FANCB: variants seen among roughly 807,000 people sequenced by gnomAD.
FANCB encodes FA complementation group B.
In FANCB, 5 loss-of-function variants were observed where a neutral mutation model predicts 38.9. That is an observed-to-expected ratio of 0.13 (90% CI 0.07 to 0.27). FANCB has a LOEUF of 0.27. Ranked by LOEUF, FANCB falls within the 10% of genes least tolerant of loss-of-function variation. FANCB has a pLI of 1.00. For missense variants in FANCB, 573 were observed against 602.7 expected (o/e 0.95, Z 0.52); for synonymous variants, 236 against 215.4 (o/e 1.10, Z -0.84).
chrX:14,802,490 G>T, the FANCB span, among the ~76,000 whole-genome samples: 1 of 111,589 alleles, frequency 9.0e-6, no homozygotes, highest in African/African-American at 3.3e-5. Flanking sequence ...TTCTAATAAA[G>T]TAATCAGATT....
the FANCB span, among the ~76,000 whole-genome samples, chrX:14,704,708 CT>C: frequency 8.9e-6 from 1 of 111,796 alleles, no homozygotes; most frequent in African/African-American, 3.3e-5. Flanking sequence ...GAAACGACCC[CT>C]GCCTTCTTAG....
the FANCB span, among the ~76,000 whole-genome samples, chrX:14,761,683 T>C: frequency 9.0e-6 from 1 of 111,432 alleles, no homozygotes; most frequent in African/African-American, 3.3e-5. Flanking sequence ...ATGATTGCGA[T>C]ATCTGGGCAA....
chrX:14,729,473 TTTATC>T, the FANCB span, among the ~76,000 whole-genome samples: 2 of 111,737 alleles, frequency 1.8e-5, no homozygotes, highest in African/African-American at 6.5e-5. Flanking sequence ...TTTTCAGACT[TTTATC>T]TAATTTATGT....
chrX:14,691,766 T>C, the FANCB span, among the ~76,000 whole-genome samples: 1 of 111,882 alleles, frequency 8.9e-6, no homozygotes, highest in South Asian at 3.7e-4. Context: ...GCACCTGTTT[T>C]CCATTTCAAA....
chrX:14,831,014 TTA>T (rs1176800782), downstream of FANCB, among the ~76,000 whole-genome samples: 6 of 111,910 alleles, frequency 5.4e-5, no homozygotes, highest in African/African-American at 2.0e-4. Flanking sequence ...GTTGTGAACT[TTA>T]TGTTAGTCTC....
chrX:14,711,972 A>C, the FANCB span, among the ~76,000 whole-genome samples: 6 of 113,000 alleles, frequency 5.3e-5, no homozygotes, highest in Admixed American at 9.3e-5. Context: ...TTCCGCGATT[A>C]AGATGCCAGA....
the FANCB span, among the ~76,000 whole-genome samples, chrX:14,790,377 G>A: frequency 1.8e-5 from 2 of 111,909 alleles, no homozygotes; most frequent in African/African-American, 6.5e-5. Flanking sequence ...TTAGAGATCA[G>A]AGAATCTAGG....
Position 14,859,172 on chromosome X carries a change from T to C in FANCB, c.1104+10A>G. ...CTTAAAATACCATATAATAAGTAAATAGAACTTACCGAATAGTTTATTTTT... is the reference window on the plus strand; with the variant it reads ...CTTAAAATACCATATAATAAGTAAACAGAACTTACCGAATAGTTTATTTTT... On this transcript the variant is annotated intron_variant, in intron 4 of 9. Coordinates refer to ENST00000650831, the MANE Select transcript of FANCB (RefSeq NM_001018113.3). 2.6e-6 allele frequency: 3 copies of C among 1,153,641 alleles called. No homozygotes were observed. Among genetic ancestry groups the C allele is most frequent in the Non-Finnish European group, 3.5e-6 (3 of 845,377 alleles).
intron 2 of FANCB, among the ~76,000 whole-genome samples, chrX:14,868,012 C>T (rs781071056): frequency 1.4e-4 from 16 of 111,290 alleles, no homozygotes; most frequent in Admixed American, 1.3e-3. Context: ...AATGAGATAC[C>T]ACCTAATTTC....
At chrX:14,804,107 T>C in the FANCB span, among the ~76,000 whole-genome samples, 162 of 111,793 alleles carry the variant, frequency 1.4e-3, 1 homozygote, top group Non-Finnish European at 2.2e-3. Context: ...CTAGAAATAC[T>C]ATTTGACCCA....
intron 5 of FANCB, among the ~76,000 whole-genome samples, chrX:14,854,255 A>T (rs1871178641): frequency 9.0e-6 from 1 of 111,361 alleles, no homozygotes; most frequent in Non-Finnish European, 1.9e-5. Context: ...ATGTAGCCAC[A>T]ACTGAGCTAC....
the FANCB span, among the ~76,000 whole-genome samples, chrX:14,689,942 CA>C: frequency 1.8e-5 from 2 of 112,234 alleles, no homozygotes; most frequent in Non-Finnish European, 3.8e-5. Flanking sequence ...AACACTTAAG[CA>C]AACACTGAAG....
At chrX:14,833,509 G>C (rs2092332595), downstream of FANCB, among the ~76,000 whole-genome samples, 1 of 111,965 alleles carries the variant, frequency 8.9e-6, no homozygotes, top group Non-Finnish European at 1.9e-5. Context: ...GTGATAGTAT[G>C]TATGTTAAAG....
At chrX:14,784,925 A>G in the FANCB span, among the ~76,000 whole-genome samples, 1 of 112,117 alleles carries the variant, frequency 8.9e-6, no homozygotes, top group African/African-American at 3.2e-5. Context: ...CAGAAAACCA[A>G]ACAGCGCATG....
chrX:14,756,643 C>T, the FANCB span, among the ~76,000 whole-genome samples: 1 of 111,795 alleles, frequency 8.9e-6, no homozygotes, highest in Non-Finnish European at 1.9e-5. Context: ...CTCCTCCTTG[C>T]TCCTGTTACC....
chrX:14,782,242 G>A, the FANCB span, among the ~76,000 whole-genome samples: 3 of 111,751 alleles, frequency 2.7e-5, no homozygotes, highest in Non-Finnish European at 5.6e-5. Context: ...ATTCAAAGAT[G>A]GGGCAGAGCC....
At position 14,845,240 on chromosome X, in the gene FANCB, C is replaced by T. The variant is rs1298323694; in HGVS notation, c.1543G>A (p.Asp515Asn). The change falls in exon 8 of 10, where the codon GAC (aspartate) becomes AAC (asparagine). Residue 515 changes from aspartate to asparagine, a missense_variant. Coordinates refer to ENST00000650831, the MANE Select transcript of FANCB (RefSeq NM_001018113.3). ...CACTTTAGAAGCCGAAATCTGGAGTCATGGGCTTGATCCATTAACAATGAT... is the reference window on the plus strand; with the variant it reads ...CACTTTAGAAGCCGAAATCTGGAGTTATGGGCTTGATCCATTAACAATGAT... Reference protein sequence around the residue: ...TLSLLMDQAHDSRFRLLKCQN... With the variant: ...TLSLLMDQAHNSRFRLLKCQN... 8.3e-7 allele frequency: 1 copy of T among 1,208,441 alleles called. No individual in the cohort carries two copies. The highest frequency in any genetic ancestry group is 1.1e-6 in the Non-Finnish European group (1 of 894,287).
At chrX:14,827,757 G>A in the FANCB span, among the ~76,000 whole-genome samples, 4 of 111,964 alleles carry the variant, frequency 3.6e-5, no homozygotes, top group East Asian at 1.1e-3. Context: ...AAACCTGTGA[G>A]TACTCCTTGA....
chrX:14,813,433 A>T, the FANCB span, among the ~76,000 whole-genome samples: 3 of 111,675 alleles, frequency 2.7e-5, no homozygotes, highest in Non-Finnish European at 5.6e-5. Flanking sequence ...TCTCAGCCCA[A>T]AATCTCCTTA....
Sources: gnomAD v4.1 joint callset for allele counts (sites outside exome capture counted in the v4.1 genomes callset) on GRCh38, gnomAD v4.1.1 for gene constraint, MANE v1.5 for transcripts, NCBI Gene and HGNC (gene_info 2026-07-23, HGNC 2026-07-21) for gene names.